Variants in ADGRB3 observed in about 807,000 individuals in gnomAD.
ADGRB3 encodes the protein brain-specific angiogenesis inhibitor 3.
In ADGRB3, 37 loss-of-function variants were observed where a neutral mutation model predicts 193.4. That is an observed-to-expected ratio of 0.19 (90% CI 0.15 to 0.25). The LOEUF is 0.25. ADGRB3 is among the 10% of genes least tolerant of loss of function. The pLI is 1.00. For missense variants in ADGRB3, 1,637 were observed against 1,852.9 expected, an observed-to-expected ratio of 0.88 and a Z score of 2.14; for synonymous variants, 690 against 644.2, an observed-to-expected ratio of 1.07 and a Z score of -1.08.
chr6:69,217,474 A>G (rs1053561246), intron 17 of ADGRB3, among the ~76,000 whole-genome samples: 8 of 152,290 alleles, frequency 5.3e-5, no homozygotes, highest in African/African-American at 1.7e-4. Context: ...TCTGCCCCTT[A>G]TTTCTGAGTG....
intron 24 of ADGRB3, among the ~76,000 whole-genome samples, chr6:69,337,681 A>T: frequency 6.6e-6 from 1 of 152,124 alleles, no homozygotes; most frequent in Non-Finnish European, 1.5e-5. Flanking sequence ...CCACCCCCAC[A>T]CTCATGTCTG....
rs1327179746 is a variant in ADGRB3, at chr6:68,884,085, C to G, written c.758-46474C>G. On this transcript the variant is annotated intron_variant, in intron 3 of 31. Coordinates refer to ENST00000370598, the MANE Select transcript of ADGRB3 (RefSeq NM_001704.3). ...TAAATGTGACACCTGAGCTCCTTCT[C>G]TCTCTTGCGAATGAGATCATGGCTT... Among the ~76,000 whole-genome samples the G allele has an allele frequency of 3.9e-5, 6 of 152,318 alleles. No homozygotes were observed. The East Asian group carries it at 5.8e-4, about 15-fold the overall frequency.
At chr6:69,160,487 A>G (rs534768979) in intron 17 of ADGRB3, among the ~76,000 whole-genome samples, 5 of 152,266 alleles carry the variant, frequency 3.3e-5, no homozygotes, top group African/African-American at 1.2e-4. Context: ...AACCTAAATC[A>G]GGACTTTTCT....
At chr6:69,098,835 A>T (rs185546224) in intron 17 of ADGRB3, among the ~76,000 whole-genome samples, 139 of 152,320 alleles carry the variant, frequency 9.1e-4, no homozygotes, top group African/African-American at 3.2e-3. Flanking sequence ...TAAAATTCAA[A>T]TAAAAAATTA....
intron 3 of ADGRB3, among the ~76,000 whole-genome samples, chr6:68,733,316 A>T (rs2127333984): frequency 6.6e-6 from 1 of 150,538 alleles, no homozygotes; most frequent in South Asian, 2.1e-4. Flanking sequence ...TGCAGTCATA[A>T]AAAAGAATGA....
chr6:69,286,105 A>G (rs536158816), intron 20 of ADGRB3, among the ~76,000 whole-genome samples: 51 of 152,206 alleles, frequency 3.4e-4, no homozygotes, highest in African/African-American at 1.1e-3. Flanking sequence ...TGAATAAGGA[A>G]GAGTAGATAA....
intron 3 of ADGRB3, among the ~76,000 whole-genome samples, chr6:68,923,055 G>C (rs1028829259): frequency 1.3e-5 from 2 of 152,052 alleles, no homozygotes; most frequent in Admixed American, 6.6e-5. Context: ...AGTTATTTTA[G>C]AAATTATAAA....
chr6:69,091,239 C>G (rs1376876585), intron 17 of ADGRB3, among the ~76,000 whole-genome samples: 1 of 152,142 alleles, frequency 6.6e-6, no homozygotes, highest in East Asian at 1.9e-4. Context: ...GGCAATTCCT[C>G]AAAGACCTAA....
intron 17 of ADGRB3, among the ~76,000 whole-genome samples, chr6:69,103,507 G>T (rs1388290614): frequency 2.0e-5 from 3 of 152,052 alleles, no homozygotes; most frequent in African/African-American, 7.2e-5. Context: ...AGGAAAAAAA[G>T]AAGTCTCATT....
chr6:68,948,836 C>CAT (rs931783565), intron 6 of ADGRB3, among the ~76,000 whole-genome samples: 48 of 151,790 alleles, frequency 3.2e-4, no homozygotes, highest in Middle Eastern at 3.4e-3. Context: ...TGTATACTGA[C>CAT]ATATATATAT....
intron 3 of ADGRB3, among the ~76,000 whole-genome samples, chr6:68,906,369 A>C (rs1350991901): frequency 6.6e-6 from 1 of 151,918 alleles, no homozygotes; most frequent in Non-Finnish European, 1.5e-5. Context: ...TATTGAAGGT[A>C]TACCATATAT....
chr6:69,185,738 A>T (rs572468471), intron 17 of ADGRB3, among the ~76,000 whole-genome samples: 1 of 152,314 alleles, frequency 6.6e-6, no homozygotes, highest in African/African-American at 2.4e-5. Context: ...GGACATACTT[A>T]TCATTGACTT....
chr6:69,375,277 A>T (rs1463197594), intron 30 of ADGRB3, among the ~76,000 whole-genome samples: 1 of 152,114 alleles, frequency 6.6e-6, no homozygotes, highest in Non-Finnish European at 1.5e-5. Flanking sequence ...GTCAGGTTTT[A>T]AAAAGATGAG....
intron 11 of ADGRB3, among the ~76,000 whole-genome samples, chr6:68,996,455 C>T (rs573805697): frequency 1.3e-5 from 2 of 152,242 alleles, no homozygotes; most frequent in African/African-American, 4.8e-5. Context: ...CAAGTCTTCC[C>T]GAATGACAAC....
At chr6:69,329,832 CTG>C (rs1309870276) in intron 22 of ADGRB3, among the ~76,000 whole-genome samples, 3 of 152,190 alleles carry the variant, frequency 2.0e-5, no homozygotes, top group African/African-American at 7.2e-5. Flanking sequence ...CTGTGAGAGA[CTG>C]TTTCTCCCCA....
At chr6:69,131,440 G>A (rs1774006060) in intron 17 of ADGRB3, among the ~76,000 whole-genome samples, 1 of 151,740 alleles carries the variant, frequency 6.6e-6, no homozygotes, top group African/African-American at 2.4e-5. Context: ...AAGTTTTTGG[G>A]GTTCACACTG....
intron 8 of ADGRB3, among the ~76,000 whole-genome samples, chr6:68,958,062 G>A (rs12191037): frequency 0.17 from 25,912 of 151,954 alleles, 2,464 homozygotes; most frequent in Non-Finnish European, 0.22. Flanking sequence ...TTAGCCGGCC[G>A]TGGTGGCATG....
intron 20 of ADGRB3, among the ~76,000 whole-genome samples, chr6:69,246,874 C>T (rs1045952312): frequency 1.6e-4 from 25 of 152,144 alleles, no homozygotes; most frequent in Admixed American, 5.9e-4. Context: ...AAGCAGAACA[C>T]GAGTCTCAGC....
At chr6:68,661,559 ATATATATATATAGT>A (rs1768659477) in intron 3 of ADGRB3, among the ~76,000 whole-genome samples, 1 of 138,064 alleles carries the variant, frequency 7.2e-6, no homozygotes, top group African/African-American at 2.7e-5. Context: ...ATATATATAT[ATATATATATATAGT>A]TATGACCTAT....
Sources: allele counts gnomAD v4.1 joint callset (sites outside exome capture counted in the v4.1 genomes callset), GRCh38; gene constraint gnomAD v4.1.1; transcripts MANE v1.5; gene names NCBI Gene and HGNC (gene_info 2026-07-23, HGNC 2026-07-21).